GPAT3: variants seen among roughly 807,000 people sequenced by gnomAD.
GPAT3 encodes the protein 1-AGP acyltransferase 9.
Under a neutral mutation model 58.8 loss-of-function variants are expected in GPAT3, and 53 were observed. The observed-to-expected ratio is 0.90, with a 90% CI of 0.72 to 1.13. GPAT3 has a LOEUF of 1.13. GPAT3 is among the 50% of genes most tolerant of loss of function. The pLI is 0.00. For synonymous variants in GPAT3, 197 were observed against 187.4 expected, an observed-to-expected ratio of 1.05 and a Z score of -0.42; for missense variants, 511 against 527.6, an observed-to-expected ratio of 0.97 and a Z score of 0.31.
At chr4:83,578,547 G>A (rs1021148630) in intron 2 of GPAT3, among the ~76,000 whole-genome samples, 1 of 152,082 alleles carries the variant, frequency 6.6e-6, no homozygotes, top group Non-Finnish European at 1.5e-5. Flanking sequence ...CTCTGAAAAA[G>A]GTTATTTTTA....
intron 9 of GPAT3, 141 bp from the exon 10 acceptor site, chr4:83,597,910 T>C (rs991464730): frequency 4.1e-6 from 4 of 969,634 alleles, no homozygotes; most frequent in Non-Finnish European, 6.0e-6. Context: ...TTACTTTTTT[T>C]TTGATAAATT....
At chr4:83,582,871 A>T (rs1343179009) in intron 3 of GPAT3, among the ~76,000 whole-genome samples, 1 of 152,192 alleles carries the variant, frequency 6.6e-6, no homozygotes, top group Non-Finnish European at 1.5e-5. Context: ...ATGAAGCGAA[A>T]TTCAAGGTTT....
At chr4:83,589,220 G>C (rs563236237) in intron 5 of GPAT3, among the ~76,000 whole-genome samples, 1 of 152,184 alleles carries the variant, frequency 6.6e-6, no homozygotes, top group Non-Finnish European at 1.5e-5. Context: ...TTATAGAATT[G>C]CTTCTCATTT....
At chr4:83,601,145 A>G (rs778822773) in intron 11 of GPAT3, among the ~76,000 whole-genome samples, 37 of 152,200 alleles carry the variant, frequency 2.4e-4, no homozygotes, top group Non-Finnish European at 4.7e-4. Flanking sequence ...CCTTAAGCAA[A>G]ATGACTTTAT....
At chr4:83,599,531 T>C (rs528105446) in intron 11 of GPAT3, among the ~76,000 whole-genome samples, 2 of 152,282 alleles carry the variant, frequency 1.3e-5, no homozygotes, top group East Asian at 3.9e-4. Context: ...GGGTTCTTTT[T>C]CTTATGAAGA....
chr4:83,600,808 T>C (rs1437941022), intron 11 of GPAT3, among the ~76,000 whole-genome samples: 1 of 152,088 alleles, frequency 6.6e-6, no homozygotes, highest in Non-Finnish European at 1.5e-5. Flanking sequence ...GGCCGGGAGA[T>C]TGGATTCTTA....
intron 6 of GPAT3, among the ~76,000 whole-genome samples, chr4:83,594,215 A>G (rs1726724712): frequency 6.6e-6 from 1 of 152,194 alleles, no homozygotes; most frequent in South Asian, 2.1e-4. Flanking sequence ...CATTATTTGT[A>G]TGTACCATTA....
intron 9 of GPAT3, 149 bp from the exon 10 acceptor site, chr4:83,597,902 A>T: frequency 2.4e-6 from 2 of 842,790 alleles, no homozygotes; most frequent in Non-Finnish European, 3.6e-6. Context: ...GGCCCAGTTT[A>T]CTTTTTTTTT....
At chr4:83,558,229 A>T (rs1000111549) in intron 2 of GPAT3, among the ~76,000 whole-genome samples, 1 of 152,042 alleles carries the variant, frequency 6.6e-6, no homozygotes, top group Non-Finnish European at 1.5e-5. Flanking sequence ...AAAAAAAGAA[A>T]GTCATCTTGA....
intron 2 of GPAT3, among the ~76,000 whole-genome samples, chr4:83,559,415 C>G (rs1725051879): frequency 2.6e-5 from 4 of 152,026 alleles, no homozygotes; most frequent in Admixed American, 2.6e-4. Flanking sequence ...CCCCTGCTTC[C>G]CAGGTTCAAG....
chr4:83,602,473 A>G (rs1226036593), intron 11 of GPAT3, among the ~76,000 whole-genome samples: 1 of 152,234 alleles, frequency 6.6e-6, no homozygotes, highest in Non-Finnish European at 1.5e-5. Flanking sequence ...GAATTAACAT[A>G]TCTAGATTGT....
intron 1 of GPAT3, among the ~76,000 whole-genome samples, chr4:83,539,076 A>G (rs1724202052): frequency 6.6e-6 from 1 of 152,200 alleles, no homozygotes; most frequent in African/African-American, 2.4e-5. Context: ...GAGAACAGTA[A>G]CCCAGGATCC....
At position 83,596,864 on chromosome 4, in the gene GPAT3, A is replaced by G. The variant is rs1312248967; in HGVS notation, c.861A>G (p.Lys287=). ...ATCCTTTTTTTTTCCATAGACTAAA[A>G]GAACATATTGCTGATAAGAAGAAAC... The part of the protein sequence containing the change: ...KDRHLVTKRL[K]EHIADKKKLP... Residue 287 remains lysine, a synonymous_variant, in exon 8 of 12, where the codon AAA becomes AAG. Transcript: ENST00000264409. The G allele has an allele frequency of 6.2e-7, 1 of 1,605,522 alleles. No individual in the cohort carries two copies. The highest frequency in any genetic ancestry group is 8.5e-7 in the Non-Finnish European group (1 of 1,177,540).
intron 2 of GPAT3, among the ~76,000 whole-genome samples, chr4:83,545,060 A>G (rs1724456159): frequency 6.6e-6 from 1 of 152,240 alleles, no homozygotes. Context: ...TTTCTCGTGA[A>G]ATAAGTTTAG....
chr4:83,536,148 G>A lies in GPAT3; in HGVS notation c.-475G>A. 1 of 985,840 alleles carries A rather than the reference G, an allele frequency of 1.0e-6. No individual in the cohort carries two copies. 61.1% of individuals were successfully genotyped at this position (985,840 alleles called of 1,614,324 possible). On this transcript the variant is annotated 5_prime_UTR_variant, in exon 1 of 12. Transcript: ENST00000264409. ...CCGCGGCCCGGTGCCAGCTCCGCCGGCGACCGGTGTGCCAAAGTGCGGTGC... is the reference window on the plus strand; with the variant it reads ...CCGCGGCCCGGTGCCAGCTCCGCCGACGACCGGTGTGCCAAAGTGCGGTGC...
At chr4:83,570,847 G>A (rs982739409) in intron 2 of GPAT3, among the ~76,000 whole-genome samples, 4 of 152,010 alleles carry the variant, frequency 2.6e-5, no homozygotes, top group Non-Finnish European at 4.4e-5. Context: ...CTGTTACAAT[G>A]CACATATTCA....
rs1020441293 is a variant in GPAT3, at chr4:83,598,105, A to T, written c.1051A>T (p.Ser351Cys). 16 of 1,613,688 alleles carry T rather than the reference A, an allele frequency of 9.9e-6. No homozygotes were observed. Among genetic ancestry groups the T allele is most frequent in the Middle Eastern group, 1.7e-4 (1 of 6,056 alleles). The change falls in exon 10 of 12, where the codon AGC becomes TGC. Residue 351 changes from serine to cysteine, a missense_variant. Ser to Cys is a moderately radical substitution (Grantham distance 112). Transcript: ENST00000264409. ...FWNSSKYNMV[S>C]YLLRMMTSWA... is the part of the protein sequence containing the mutation. Reference sequence around the variant, plus strand: ...GAACAGTAGTAAATACAACATGGTGAGCTACCTGCTTCGAATGATGACCAG... The same window carrying T: ...GAACAGTAGTAAATACAACATGGTGTGCTACCTGCTTCGAATGATGACCAG...
intron 2 of GPAT3, among the ~76,000 whole-genome samples, chr4:83,575,128 G>A (rs1035192659): frequency 1.3e-5 from 2 of 151,814 alleles, no homozygotes; most frequent in East Asian, 1.9e-4. Context: ...CGCCCGCCTC[G>A]GCCTCCCAAA....
chr4:83,548,561 T>G (rs1395728145), intron 2 of GPAT3, among the ~76,000 whole-genome samples: 1 of 151,538 alleles, frequency 6.6e-6, no homozygotes, highest in Non-Finnish European at 1.5e-5. Context: ...AGGCCTGCAT[T>G]TACCTGGGAG....
Sources: gnomAD v4.1 joint callset for allele counts (sites outside exome capture counted in the v4.1 genomes callset) on GRCh38, gnomAD v4.1.1 for gene constraint, MANE v1.5 for transcripts, NCBI Gene and HGNC (gene_info 2026-07-23, HGNC 2026-07-21) for gene names.